Variants in SH2B1 observed in about 807,000 individuals in gnomAD.
The protein encoded by SH2B1 is SH2B adapter protein 1.
SH2B1 carries 15 observed loss-of-function variants against 62.6 expected under a neutral mutation model. The observed-to-expected ratio is 0.24, with a 90% CI of 0.16 to 0.37. SH2B1 has a LOEUF of 0.37. Ranked by LOEUF, SH2B1 falls within the 10% of genes least tolerant of loss-of-function variation. The pLI is 1.00. For missense variants in SH2B1, 925 were observed against 1,015.6 expected, an observed-to-expected ratio of 0.91 and a Z score of 1.21; for synonymous variants, 443 against 438.0, an observed-to-expected ratio of 1.01 and a Z score of -0.14.
chr16:28,855,830 G>GTTTTTTTTTTT (rs1567460763), intron 1 of SH2B1, among the ~76,000 whole-genome samples: 1 of 120,378 alleles, frequency 8.3e-6, no homozygotes. Flanking sequence ...TTTTTTTTTG[G>GTTTTTTTTTTT]ATTTTTAGTA....
In SH2B1 at chr16:28,852,531, C is replaced by T. The variant is rs1164219476; in HGVS notation, c.-301+5704C>T. ...ATATACACATATATTTATATATATA[C>T]ACATATATTTATATATATACACATA... On this transcript the variant is annotated intron_variant, in intron 1 of 10. Coordinates refer to the SH2B1 transcript ENST00000322610. Among the ~76,000 whole-genome samples the T allele has an allele frequency of 1.7e-4, 7 of 41,582 alleles. 1 individual carries two copies. Among genetic ancestry groups the T allele is most frequent in the African/African-American group, 3.0e-4 (2 of 6,712 alleles). 27.3% of individuals were successfully genotyped at this position (41,582 alleles called of 152,430 possible).
At chr16:28,849,414 T>C (rs1252810029) in intron 1 of SH2B1, among the ~76,000 whole-genome samples, 1 of 152,214 alleles carries the variant, frequency 6.6e-6, no homozygotes, top group African/African-American at 2.4e-5. Context: ...GTTTTCTGTT[T>C]CTACTCTGTA....
At chr16:28,860,214 G>T (rs963698866), upstream of SH2B1, among the ~76,000 whole-genome samples, 1 of 150,352 alleles carries the variant, frequency 6.7e-6, no homozygotes, top group Admixed American at 6.7e-5. Context: ...AAACTGTGTA[G>T]AACATCTCTC....
In SH2B1 at chr16:28,866,457, C is replaced by A; in HGVS notation, c.363C>A (p.Gly121=). Residue 121 remains glycine (G), a synonymous_variant, in exon 1 of 8, where the codon GGC becomes GGA. Transcript: ENST00000684370. The surrounding 1 kb of genome is among the most constrained non-coding windows in gnomAD (Gnocchi z 6.3). The part of the protein sequence containing the change: ...CRVGGPLAVL[G]PSRSSEDLAG... Reference sequence around the variant, plus strand: ...TGGGTGGGCCCCTGGCTGTGCTGGGCCCTTCTCGATCATCTGAGGACCTGG... The same window carrying A: ...TGGGTGGGCCCCTGGCTGTGCTGGGACCTTCTCGATCATCTGAGGACCTGG... The A allele has an allele frequency of 6.2e-7, 1 of 1,613,870 alleles. No homozygotes were observed. The highest frequency in any genetic ancestry group is 8.5e-7 in the Non-Finnish European group (1 of 1,180,010).
At chr16:28,852,998 A>G (rs1962220904) in intron 1 of SH2B1, among the ~76,000 whole-genome samples, 1 of 87,380 alleles carries the variant, frequency 1.1e-5, no homozygotes, top group Non-Finnish European at 1.9e-5. Context: ...ATGTACATAT[A>G]TATGTACATA....
rs537530500 is a variant in SH2B1 at position 28,869,363 on chromosome 16, G to C, written c.1289G>C (p.Ser430Thr). The part of the protein sequence containing the change: ...SQDLLLGPSE[S>T]NDRLSQGAYG... ...GACCTGCTGCTTGGACCCAGCGAGAGCAATGACCGCCTGTCGCAGGGTAAG... is the reference window on the plus strand; with the variant it reads ...GACCTGCTGCTTGGACCCAGCGAGACCAATGACCGCCTGTCGCAGGGTAAG... Residue 430 changes from serine (S) to threonine (T), a missense_variant, in exon 4 of 8, where the codon AGC becomes ACC. Ser to Thr is a moderately conservative substitution (Grantham distance 58, BLOSUM62 1). Coordinates refer to ENST00000684370, the MANE Select transcript of SH2B1 (RefSeq NM_001387430.1). The C allele has an allele frequency of 4.3e-6, 7 of 1,613,844 alleles. No individual in the cohort carries two copies. In the South Asian group the frequency reaches 7.7e-5, roughly 18 times the overall value.
chr16:28,868,616 C>T (rs750149411), intron 2 of SH2B1, among the ~76,000 whole-genome samples: 131 of 152,184 alleles, frequency 8.6e-4, no homozygotes, highest in South Asian at 1.7e-3. Flanking sequence ...CCTGCCACCA[C>T]GCCTGGCTAA....
At position 28,865,508 on chromosome 16, in the gene SH2B1, G is replaced by C. The variant is rs959023369; in HGVS notation, c.-587G>C. On this transcript the variant is annotated 5_prime_UTR_variant, in exon 1 of 8. Transcript: ENST00000684370. The stretch of plus-strand genomic sequence containing the variant: ...TGCTATGGCTGAGGCTGGCCCAGCC[G>C]GGCCCTGGGGACAGGGACTATGAAG... 15 of 985,622 alleles carry C rather than the reference G, an allele frequency of 1.5e-5. No individual in the cohort carries two copies. Among genetic ancestry groups the C allele is most frequent in the Non-Finnish European group, 1.6e-5 (13 of 829,980 alleles). 61.1% of individuals were successfully genotyped at this position (985,622 alleles called of 1,614,324 possible).
chr16:28,872,836 G>GA lies in SH2B1; in HGVS notation c.1897+132dup. ...CTTTGCTTGGGAGAGCAGGGTAGAG[G>GA]AGGCTGTTGTGCCTCGGGGTTTGGA... On this transcript the variant is annotated intron_variant, in intron 7 of 7. Coordinates refer to ENST00000684370, the MANE Select transcript of SH2B1 (RefSeq NM_001387430.1). This position sits in a 1 kb window ranked among gnomAD's most constrained non-coding sequence, Gnocchi z 5.3. 1 of 1,239,298 alleles carries GA rather than the reference G, an allele frequency of 8.1e-7. No individual in the cohort carries two copies. Among genetic ancestry groups the GA allele is most frequent in the South Asian group, 1.3e-5 (1 of 77,774 alleles). 76.8% of individuals were successfully genotyped at this position (1,239,298 alleles called of 1,614,324 possible). A position where few individuals can be genotyped will look rare whatever the true frequency, so the allele number is the denominator to read the frequency against.
chr16:28,871,038 G>T (rs1962999548), intron 4 of SH2B1, among the ~76,000 whole-genome samples: 1 of 150,466 alleles, frequency 6.6e-6, no homozygotes, highest in African/African-American at 2.4e-5. Context: ...TGTGTTTTGA[G>T]ACAGAGGCTT....
Position 28,864,186 on chromosome 16 carries a change from C to T in SH2B1, c.-1909C>T, listed in dbSNP as rs111806214. On this transcript the variant is annotated 5_prime_UTR_variant, in exon 1 of 8. Transcript: ENST00000684370. ...ATCGGAGTATATGGACCACCGGGCCCGGAGGGTCCGAGCCGAGAGCGGAGC... is the reference window on the plus strand; with the variant it reads ...ATCGGAGTATATGGACCACCGGGCCTGGAGGGTCCGAGCCGAGAGCGGAGC... 2 of 1,056,944 alleles carry T rather than the reference C, an allele frequency of 1.9e-6. No individual in the cohort carries two copies. The highest frequency in any genetic ancestry group is 3.1e-5 in the South Asian group (1 of 32,692). 65.5% of individuals were successfully genotyped at this position (1,056,944 alleles called of 1,614,324 possible).
rs1962193150 is a variant in SH2B1, at chr16:28,852,827, TTTA to T, written c.-301+6002_-301+6004del. 7.1e-5 allele frequency among the ~76,000 whole-genome samples: 3 copies of T among 42,542 alleles called. 1 individual carries two copies. Among genetic ancestry groups the T allele is most frequent in the Admixed American group, 4.3e-4 (1 of 2,304 alleles). 27.9% of individuals were successfully genotyped at this position (42,542 alleles called of 152,430 possible). A position where few individuals can be genotyped will look rare whatever the true frequency, so the allele number is the denominator to read the frequency against. ...ATATTTACATATATTTACATATATA[TTTA>T]TATATATATACATATATATATTTTT... On this transcript the variant is annotated intron_variant, in intron 1 of 10. Coordinates refer to the SH2B1 transcript ENST00000322610.
intron 1 of SH2B1, among the ~76,000 whole-genome samples, chr16:28,852,842 A>C (rs1335160277): frequency 2.6e-5 from 1 of 38,606 alleles, no homozygotes; most frequent in East Asian, 4.3e-4. Context: ...ATATATATAC[A>C]TATATATATT....
Position 28,864,156 on chromosome 16 carries a change from G to A in SH2B1, c.-1939G>A, listed in dbSNP as rs192445632. On this transcript the variant is annotated 5_prime_UTR_variant, in exon 1 of 8. Coordinates refer to ENST00000684370, the MANE Select transcript of SH2B1 (RefSeq NM_001387430.1). The stretch of plus-strand genomic sequence containing the variant: ...GGCTGGGGGGTGTCCAGGGAGTAGG[G>A]TCGGATCGGAGTATATGGACCACCG... 315 of 1,161,166 alleles carry A rather than the reference G, an allele frequency of 2.7e-4. No homozygotes were observed. Among genetic ancestry groups the A allele is most frequent in the African/African-American group, 8.2e-4 (50 of 60,834 alleles). The allele number at this position is 1,161,166 out of a possible 1,614,324, so 71.9% of individuals were successfully genotyped here. A position where few individuals can be genotyped will look rare whatever the true frequency, so the allele number is the denominator to read the frequency against.
Position 28,873,125 on chromosome 16 carries a change from C to A in SH2B1, c.1898-322C>A, listed in dbSNP as rs1209588946. ...GTCCCTGTCTGATCTCTCCCTTTCCCCTGCCCCACCGTCCCATCTGTCCCC... is the reference window on the plus strand; with the variant it reads ...GTCCCTGTCTGATCTCTCCCTTTCCACTGCCCCACCGTCCCATCTGTCCCC... On this transcript the variant is annotated intron_variant, in intron 7 of 7. Transcript: ENST00000684370. This position sits in a 1 kb window ranked among gnomAD's most constrained non-coding sequence, Gnocchi z 4.2. The A allele has an allele frequency of 4.0e-6, 5 of 1,263,196 alleles. No individual in the cohort carries two copies. In the South Asian group the frequency reaches 6.8e-5, roughly 17 times the overall value. The allele number at this position is 1,263,196 out of a possible 1,614,324, so 78.2% of individuals were successfully genotyped here.
At chr16:28,847,388 G>C (rs1378571079) in intron 1 of SH2B1, among the ~76,000 whole-genome samples, 1 of 152,136 alleles carries the variant, frequency 6.6e-6, no homozygotes, top group Non-Finnish European at 1.5e-5. Context: ...TAATGTTTCG[G>C]AACTCATCAG....
At position 28,852,826 on chromosome 16, in the gene SH2B1, A is replaced by T. The variant is rs1395686195; in HGVS notation, c.-301+5999A>T. Among the ~76,000 whole-genome samples the T allele has an allele frequency of 1.6e-3, 64 of 40,574 alleles. 4 individuals are homozygous for T. Among genetic ancestry groups the T allele is most frequent in the African/African-American group, 3.5e-3 (26 of 7,338 alleles). The allele number at this position is 40,574 out of a possible 152,430, so 26.6% of individuals were successfully genotyped here. On this transcript the variant is annotated intron_variant, in intron 1 of 10. Coordinates refer to the SH2B1 transcript ENST00000322610. ...TATATTTACATATATTTACATATAT[A>T]TTTATATATATATACATATATATAT...
At chr16:28,871,082 A>G (rs527422021) in intron 4 of SH2B1, among the ~76,000 whole-genome samples, 22 of 151,376 alleles carry the variant, frequency 1.5e-4, no homozygotes, top group Admixed American at 9.9e-4. Context: ...CAGTGAAACA[A>G]TCTCGGCTCA....
intron 1 of SH2B1, among the ~76,000 whole-genome samples, chr16:28,853,109 TAC>T (rs1400545307): frequency 1.6e-5 from 2 of 125,334 alleles, no homozygotes; most frequent in South Asian, 2.2e-4. Context: ...TATTTATATA[TAC>T]ATTTATATAT....
Sources: allele counts gnomAD v4.1 joint callset (sites outside exome capture counted in the v4.1 genomes callset), GRCh38; gene constraint gnomAD v4.1.1; non-coding constraint Gnocchi (gnomAD v3.1); transcripts MANE v1.5; gene names NCBI Gene and HGNC (gene_info 2026-07-23, HGNC 2026-07-21).